The following CTNNA3 variants were observed in gnomAD, a reference collection of about 807,000 sequenced individuals.
The protein encoded by CTNNA3 is catenin alpha 3.
In CTNNA3, 76 loss-of-function variants were observed where a neutral mutation model predicts 95.7. That is an observed-to-expected ratio of 0.79 (90% CI 0.66 to 0.96). The LOEUF is 0.96. Ranked by LOEUF, CTNNA3 falls within the 40% of genes least tolerant of loss-of-function variation. The pLI is 0.00. For missense variants in CTNNA3, 1,191 were observed against 1,089.8 expected (o/e 1.09, Z -1.31); for synonymous variants, 431 against 374.4 (o/e 1.15, Z -1.74).
chr10:67,085,556 T>C (rs1310089178), intron 7 of CTNNA3, among the ~76,000 whole-genome samples: 1 of 152,008 alleles, frequency 6.6e-6, no homozygotes, highest in African/African-American at 2.4e-5. Context: ...TATTAAAATA[T>C]CAACAAGAAG....
intron 5 of CTNNA3, among the ~76,000 whole-genome samples, chr10:67,392,411 T>A (rs1017299003): frequency 1.3e-5 from 2 of 152,148 alleles, no homozygotes; most frequent in African/African-American, 4.8e-5. Context: ...AAACAACAGG[T>A]GCTGGAGAAG....
intron 7 of CTNNA3, among the ~76,000 whole-genome samples, chr10:67,023,435 G>A (rs1853151198): frequency 6.6e-6 from 1 of 152,166 alleles, no homozygotes; most frequent in South Asian, 2.1e-4. Flanking sequence ...CAATCCACCA[G>A]GCTTATCCAT....
At chr10:66,431,595 A>G (rs1403862460) in intron 11 of CTNNA3, among the ~76,000 whole-genome samples, 1 of 152,136 alleles carries the variant, frequency 6.6e-6, no homozygotes, top group Non-Finnish European at 1.5e-5. Context: ...TGTCCTTTGT[A>G]GGGACGTGGA....
At chr10:67,369,497 T>G (rs1384972225) in intron 5 of CTNNA3, among the ~76,000 whole-genome samples, 1 of 152,132 alleles carries the variant, frequency 6.6e-6, no homozygotes, top group East Asian at 1.9e-4. Context: ...AAAAAATGTA[T>G]AAATCTGACA....
intron 7 of CTNNA3, among the ~76,000 whole-genome samples, chr10:66,780,989 T>C (rs1840512914): frequency 6.8e-6 from 1 of 147,222 alleles, no homozygotes; most frequent in African/African-American, 2.4e-5. Flanking sequence ...TAAACAGCCA[T>C]TGAAAATATG....
At chr10:66,428,307 G>A (rs1445966667) in intron 11 of CTNNA3, among the ~76,000 whole-genome samples, 1 of 152,124 alleles carries the variant, frequency 6.6e-6, no homozygotes, top group Non-Finnish European at 1.5e-5. Context: ...GATAATGGAA[G>A]ACTTCAACAT....
At chr10:66,022,623 A>ACACACACACC (rs2079244084) in intron 15 of CTNNA3, among the ~76,000 whole-genome samples, 11 of 151,052 alleles carry the variant, frequency 7.3e-5, no homozygotes, top group Admixed American at 7.3e-4. Context: ...ACACACACAC[A>ACACACACACC]CACACACACA....
At chr10:67,346,730 C>G (rs1842432164) in intron 5 of CTNNA3, 1 of 507,946 alleles carries the variant, frequency 2.0e-6, no homozygotes, top group Non-Finnish European at 3.9e-6. Flanking sequence ...AATTTCTTCC[C>G]TCAACTATCT....
intron 7 of CTNNA3, among the ~76,000 whole-genome samples, chr10:67,081,002 A>G (rs770577295): frequency 1.3e-5 from 2 of 152,008 alleles, no homozygotes; most frequent in African/African-American, 2.4e-5. Context: ...TCAGCATCCT[A>G]TATTAGAATC....
chr10:66,661,362 G>C (rs7906155), intron 9 of CTNNA3, among the ~76,000 whole-genome samples: 1 of 151,270 alleles, frequency 6.6e-6, no homozygotes, highest in Admixed American at 6.6e-5. Context: ...GTTCTTGTGA[G>C]ACTGATTCGC....
intron 10 of CTNNA3, among the ~76,000 whole-genome samples, chr10:66,533,040 G>C (rs1225600045): frequency 6.6e-6 from 1 of 151,992 alleles, no homozygotes; most frequent in Non-Finnish European, 1.5e-5. Flanking sequence ...TCTGTTCCTA[G>C]CCACTCTCTA....
At chr10:66,775,607 A>G (rs1840264520) in intron 7 of CTNNA3, 83 bp from the exon 8 acceptor site, 1 of 934,874 alleles carries the variant, frequency 1.1e-6, no homozygotes, top group South Asian at 1.5e-5. Context: ...TTTCCTGAAA[A>G]TAACAGCTTG....
chr10:66,453,826 TATA>T (rs2093479521), intron 11 of CTNNA3, among the ~76,000 whole-genome samples: 1 of 152,286 alleles, frequency 6.6e-6, no homozygotes, highest in African/African-American at 2.4e-5. Flanking sequence ...AGCCTCTTAA[TATA>T]ATATTAAATA....
intron 7 of CTNNA3, among the ~76,000 whole-genome samples, chr10:67,092,644 C>T (rs926995941): frequency 4.6e-5 from 7 of 151,962 alleles, no homozygotes; most frequent in Admixed American, 1.3e-4. Flanking sequence ...CTTTAAAAAA[C>T]TATTCTTATC....
At chr10:67,426,055 A>G (rs894334183) in intron 5 of CTNNA3, among the ~76,000 whole-genome samples, 4 of 152,098 alleles carry the variant, frequency 2.6e-5, no homozygotes, top group Admixed American at 2.6e-4. Context: ...TAAAGCATAA[A>G]ACACACACGA....
chr10:66,604,344 G>GC (rs963087759), intron 10 of CTNNA3, among the ~76,000 whole-genome samples: 14 of 152,070 alleles, frequency 9.2e-5, no homozygotes, highest in East Asian at 1.9e-4. Flanking sequence ...GCCAGCAGGG[G>GC]CCCCCCGTTC....
intron 1 of CTNNA3, among the ~76,000 whole-genome samples, chr10:67,727,446 T>TTATATATCA (rs1029973201): frequency 7.5e-6 from 1 of 133,776 alleles, no homozygotes; most frequent in African/African-American, 2.7e-5. Flanking sequence ...TTTCTATATA[T>TTATATATCA]TATATATCAT....
At chr10:67,098,907 G>A (rs1037983500) in intron 7 of CTNNA3, 1 of 151,932 alleles carries the variant, frequency 6.6e-6, no homozygotes, top group Admixed American at 6.6e-5. Context: ...TGTGAGACCG[G>A]TATTTTGGAA....
At chr10:67,387,187 G>A (rs1184352354) in intron 5 of CTNNA3, among the ~76,000 whole-genome samples, 2 of 152,158 alleles carry the variant, frequency 1.3e-5, no homozygotes, top group Admixed American at 6.5e-5. Flanking sequence ...GTGGGCGCAG[G>A]TCAGTGGGTG....
Sources: gnomAD v4.1 joint callset for allele counts (sites outside exome capture counted in the v4.1 genomes callset) on GRCh38, gnomAD v4.1.1 for gene constraint, MANE v1.5 for transcripts, NCBI Gene and HGNC (gene_info 2026-07-23, HGNC 2026-07-21) for gene names.